The following TXNDC8 variants were observed in gnomAD, a reference collection of about 807,000 sequenced individuals.
TXNDC8 encodes thioredoxin domain containing 8, also known as thioredoxin domain-containing protein 8.
In TXNDC8, 15 loss-of-function variants were observed where a neutral mutation model predicts 12.9. The observed-to-expected ratio is 1.16, with a 90% CI of 0.78 to 1.79. The LOEUF is 1.79. Among genes scored for constraint, TXNDC8 ranks in the 40% most tolerant of loss-of-function variants. The pLI is 0.00. For missense variants in TXNDC8, 128 were observed against 113.2 expected (o/e 1.13, Z -0.59); for synonymous variants, 40 against 35.4 (o/e 1.13, Z -0.46).
intron 3 of TXNDC8, among the ~76,000 whole-genome samples, chr9:110,316,758 G>A (rs1838898376): frequency 6.6e-6 from 1 of 152,182 alleles, no homozygotes; most frequent in Non-Finnish European, 1.5e-5. Context: ...GAGCGTTGGT[G>A]GCATAAATAA....
chr9:110,328,220 C>A (rs1839408728), intron 2 of TXNDC8, among the ~76,000 whole-genome samples: 1 of 152,174 alleles, frequency 6.6e-6, no homozygotes, highest in East Asian at 1.9e-4. Flanking sequence ...TGCATTCTAA[C>A]ATGTGGATAG....
chr9:110,331,403 C>G (rs1196195078), intron 2 of TXNDC8, among the ~76,000 whole-genome samples: 1 of 152,132 alleles, frequency 6.6e-6, no homozygotes, highest in African/African-American at 2.4e-5. Context: ...CTGGTTATGG[C>G]AATGTTAGAA....
intron 3 of TXNDC8, among the ~76,000 whole-genome samples, chr9:110,305,658 TTCTTTCTTTCTCTTTCTTACTC>T (rs1838429092): frequency 1.0e-5 from 1 of 96,566 alleles, no homozygotes; most frequent in Non-Finnish European, 2.3e-5. Context: ...ATTTTCTTCT[TTCTTTCTTTCTCTTTCTTACTC>T]TCTTTCTTTC....
chr9:110,328,811 C>T (rs1215726870), intron 2 of TXNDC8, among the ~76,000 whole-genome samples: 1 of 152,082 alleles, frequency 6.6e-6, no homozygotes, highest in Non-Finnish European at 1.5e-5. Flanking sequence ...TGTCCCCCAC[C>T]CCCCAAATAA....
chr9:110,335,349 A>G (rs1839706346), intron 1 of TXNDC8, among the ~76,000 whole-genome samples: 1 of 151,744 alleles, frequency 6.6e-6, no homozygotes, highest in East Asian at 1.9e-4. Flanking sequence ...CCATCCTCCC[A>G]CCTCAGTCTC....
chr9:110,318,710 C>A (rs867863808), intron 3 of TXNDC8, among the ~76,000 whole-genome samples: 26 of 151,638 alleles, frequency 1.7e-4, no homozygotes, highest in Non-Finnish European at 3.5e-4. Flanking sequence ...TGCCCTCCAG[C>A]CTGGGCGACA....
intron 3 of TXNDC8, among the ~76,000 whole-genome samples, chr9:110,325,273 T>G (rs1839262726): frequency 1.3e-5 from 2 of 152,200 alleles, no homozygotes; most frequent in African/African-American, 4.8e-5. Context: ...TGTTAATTCA[T>G]TTAATTATCA....
intron 3 of TXNDC8, among the ~76,000 whole-genome samples, chr9:110,321,724 GAAA>G (rs60564039): frequency 2.1e-5 from 3 of 141,784 alleles, no homozygotes; most frequent in Admixed American, 7.1e-5. Flanking sequence ...TCAGTTCTAT[GAAA>G]AAAAAAAAAA....
chr9:110,301,262 A>T (rs887819724), downstream of TXNDC8, among the ~76,000 whole-genome samples: 2 of 152,180 alleles, frequency 1.3e-5, no homozygotes, highest in Non-Finnish European at 2.9e-5. Flanking sequence ...TCTCCCAGAG[A>T]ACCAGTTGTT....
In TXNDC8 at chr9:110,324,698, G is replaced by A. The variant is rs77730564; in HGVS notation, c.195+1477C>T. On this transcript the variant is annotated intron_variant, in intron 3 of 4. Coordinates refer to ENST00000423740, the MANE Select transcript of TXNDC8 (RefSeq NM_001286946.2). ...TCCTTGAGGTATTTCTGTACCGAAA[G>A]TTCCCAGGAATGGGGTAATTGTGTA... Among the ~76,000 whole-genome samples the A allele has an allele frequency of 7.7e-3, 1,164 of 152,140 alleles. 22 individuals carry two copies. The highest frequency in any genetic ancestry group is 0.027 in the African/African-American group (1,112 of 41,498).
chr9:110,336,876 A>T (rs1300140629), intron 1 of TXNDC8, among the ~76,000 whole-genome samples: 1 of 152,170 alleles, frequency 6.6e-6, no homozygotes, highest in Non-Finnish European at 1.5e-5. Flanking sequence ...TGGGATGGAG[A>T]TCAGGGCCTC....
chr9:110,325,628 C>T (rs1254358103), intron 3 of TXNDC8, among the ~76,000 whole-genome samples: 5 of 150,468 alleles, frequency 3.3e-5, no homozygotes, highest in South Asian at 2.1e-4. Flanking sequence ...TCATGCCATT[C>T]TCCTGCCTCA....
At chr9:110,337,084 T>C (rs1839785280) in intron 1 of TXNDC8, among the ~76,000 whole-genome samples, 1 of 152,228 alleles carries the variant, frequency 6.6e-6, no homozygotes, top group African/African-American at 2.4e-5. Context: ...TTGTGATCTG[T>C]ATAGCCACCT....
chr9:110,312,922 CAG>C lies in TXNDC8; in HGVS notation c.196-8392_196-8391del, dbSNP rs534218818. Among the ~76,000 whole-genome samples, 9 of 152,282 alleles carry C rather than the reference CAG, an allele frequency of 5.9e-5. No homozygotes were observed. In the South Asian group the frequency reaches 1.4e-3, roughly 25 times the overall value. On this transcript the variant is annotated intron_variant, in intron 3 of 4. Transcript: ENST00000423740. The stretch of plus-strand genomic sequence containing the variant: ...CTTCTTTTTTTAGTTGTTTTTGAGA[CAG>C]AGTCTCGCTGTTGCCCAAGCTGGAG...
chr9:110,325,279 T>A (rs1839263072), intron 3 of TXNDC8, among the ~76,000 whole-genome samples: 1 of 152,172 alleles, frequency 6.6e-6, no homozygotes, highest in African/African-American at 2.4e-5. Flanking sequence ...TTCATTTAAT[T>A]ATCACACCAA....
chr9:110,325,815 G>A (rs1176750099), intron 3 of TXNDC8, among the ~76,000 whole-genome samples: 4 of 152,106 alleles, frequency 2.6e-5, no homozygotes, highest in African/African-American at 4.8e-5. Context: ...CACCGCGCCC[G>A]GCCTGCAACT....
At chr9:110,334,396 G>A (rs1839670726) in intron 1 of TXNDC8, 76 bp from the exon 2 acceptor site, 1 of 1,352,702 alleles carries the variant, frequency 7.4e-7, no homozygotes, top group South Asian at 1.2e-5. Flanking sequence ...GAAGATGACA[G>A]ATTAGTTTTG....
chr9:110,337,681 C>T lies in TXNDC8; in HGVS notation c.24+92G>A, dbSNP rs143993503. ...CTTGCTACAATGCAATGATAGAATA[C>T]TGGATAGAGAGAACACATTCTTAAA... On this transcript the variant is annotated intron_variant, in intron 1 of 4. Coordinates refer to ENST00000423740, the MANE Select transcript of TXNDC8 (RefSeq NM_001286946.2). 3.1e-3 allele frequency: 3,733 copies of T among 1,206,328 alleles called. 12 individuals are homozygous for T. The highest frequency in any genetic ancestry group is 3.9e-3 in the Non-Finnish European group (3,205 of 822,712). 74.7% of individuals were successfully genotyped at this position (1,206,328 alleles called of 1,614,324 possible).
At chr9:110,308,166 T>C (rs1044667481) in intron 3 of TXNDC8, among the ~76,000 whole-genome samples, 1 of 152,190 alleles carries the variant, frequency 6.6e-6, no homozygotes, top group Non-Finnish European at 1.5e-5. Context: ...ATCCCCAATC[T>C]CCCAAGATTT....
Sources: allele counts gnomAD v4.1 joint callset (sites outside exome capture counted in the v4.1 genomes callset), GRCh38; gene constraint gnomAD v4.1.1; transcripts MANE v1.5; gene names NCBI Gene and HGNC (gene_info 2026-07-23, HGNC 2026-07-21).